The following CA10 variants were observed in gnomAD, a reference collection of about 807,000 sequenced individuals.
CA10 encodes carbonic anhydrase 10 (inactive), also known as carbonic anhydrase-related protein 10.
Under a neutral mutation model 44.2 loss-of-function variants are expected in CA10, and 14 were observed. That is an observed-to-expected ratio of 0.32 (90% CI 0.21 to 0.50). The LOEUF is 0.50. Ranked by LOEUF, CA10 falls within the 20% of genes least tolerant of loss-of-function variation. The pLI is 0.99. For missense variants in CA10, 350 were observed against 409.7 expected (o/e 0.85, Z 1.26); for synonymous variants, 159 against 141.6 (o/e 1.12, Z -0.87).
chr17:51,762,764 T>A (rs1413630671), intron 3 of CA10: 2 of 152,140 alleles, frequency 1.3e-5, no homozygotes, highest in Admixed American at 1.3e-4. Flanking sequence ...GGTCATACAC[T>A]AGCAAGAAAA....
intron 4 of CA10, among the ~76,000 whole-genome samples, chr17:51,667,183 G>A (rs574262839): frequency 1.3e-5 from 2 of 152,198 alleles, no homozygotes; most frequent in Non-Finnish European, 2.9e-5. Context: ...CCACAGGAAT[G>A]CACCACATTG....
At chr17:51,704,835 C>T (rs1915712578) in intron 4 of CA10, among the ~76,000 whole-genome samples, 1 of 152,030 alleles carries the variant, frequency 6.6e-6, no homozygotes, top group South Asian at 2.1e-4. Flanking sequence ...TGATGGCATG[C>T]ACCTGTAATC....
intron 3 of CA10, among the ~76,000 whole-genome samples, chr17:51,774,945 T>C (rs1905760145): frequency 6.6e-6 from 1 of 152,180 alleles, no homozygotes; most frequent in Non-Finnish European, 1.5e-5. Context: ...CCAATTCACC[T>C]GACCCTCCCA....
At chr17:52,035,965 C>T (rs1434161135) in intron 2 of CA10, among the ~76,000 whole-genome samples, 1 of 152,176 alleles carries the variant, frequency 6.6e-6, no homozygotes, top group Non-Finnish European at 1.5e-5. Flanking sequence ...TGGCCAACAC[C>T]TTGTCTAGGG....
chr17:51,632,930 A>T (rs1912648760), intron 8 of CA10, among the ~76,000 whole-genome samples: 1 of 152,168 alleles, frequency 6.6e-6, no homozygotes, highest in Non-Finnish European at 1.5e-5. Context: ...CTGGGCAAAG[A>T]TACACTCACA....
Position 52,103,266 on chromosome 17 carries a change from C to T in CA10, c.62-30873G>A, listed in dbSNP as rs148603124. Among the ~76,000 whole-genome samples the T allele has an allele frequency of 4.6e-3, 695 of 152,296 alleles. 4 individuals are homozygous for T. Among genetic ancestry groups the T allele is most frequent in the South Asian group, 0.029 (140 of 4,828 alleles). ...TATTGTTTTCTTTCTTTGGGAACCA[C>T]CTGTGGTTAGATAATTAAGGCTTTT... is the stretch of plus-strand genomic sequence containing the variant. On this transcript the variant is annotated intron_variant, in intron 1 of 8. Transcript: ENST00000451037.
At chr17:51,637,573 C>T (rs953689864) in intron 6 of CA10, among the ~76,000 whole-genome samples, 2 of 152,222 alleles carry the variant, frequency 1.3e-5, no homozygotes, top group Non-Finnish European at 2.9e-5. Flanking sequence ...TGGGAAAGTA[C>T]TCATTCTTCA....
chr17:52,087,744 G>T (rs1043286512), intron 1 of CA10, among the ~76,000 whole-genome samples: 3 of 152,038 alleles, frequency 2.0e-5, no homozygotes, highest in Non-Finnish European at 4.4e-5. Flanking sequence ...AGCATGTTCA[G>T]AAAAATGAAA....
rs546658768 is a variant in CA10, at chr17:52,055,160, A to G, written c.136+17159T>C. 6.6e-5 allele frequency among the ~76,000 whole-genome samples: 10 copies of G among 152,168 alleles called. 1 individual carries two copies. Among genetic ancestry groups the G allele is most frequent in the African/African-American group, 2.2e-4 (9 of 41,546 alleles). The stretch of plus-strand genomic sequence containing the variant: ...GAACATTTATCTACAAAAGCATTAG[A>G]CTTATCTGAGACTCTTTGCAAGCTG... On this transcript the variant is annotated intron_variant, in intron 2 of 8. Coordinates refer to ENST00000451037, the MANE Select transcript of CA10 (RefSeq NM_020178.5).
intron 2 of CA10, among the ~76,000 whole-genome samples, chr17:51,950,617 G>A (rs1983446354): frequency 6.6e-6 from 1 of 152,050 alleles, no homozygotes; most frequent in Non-Finnish European, 1.5e-5. Flanking sequence ...TCTTGCCCTG[G>A]AGGAGATAGT....
chr17:51,880,163 C>G (rs923730233), intron 3 of CA10, among the ~76,000 whole-genome samples: 5 of 152,164 alleles, frequency 3.3e-5, no homozygotes, highest in African/African-American at 9.7e-5. Flanking sequence ...CTTGCCTTAC[C>G]TCTTCCAGCA....
At chr17:51,966,754 A>C (rs1984094245) in intron 2 of CA10, among the ~76,000 whole-genome samples, 1 of 151,894 alleles carries the variant, frequency 6.6e-6, no homozygotes, top group South Asian at 2.1e-4. Context: ...TAAGAATCCC[A>C]GAAGGAAACC....
At chr17:51,762,392 G>C (rs568425920) in intron 3 of CA10, 1 of 152,364 alleles carries the variant, frequency 6.6e-6, no homozygotes, top group African/African-American at 2.4e-5. Context: ...TCCCAGAGGA[G>C]TGGGCATTTG....
At chr17:51,919,559 C>T (rs34595368) in intron 3 of CA10, among the ~76,000 whole-genome samples, 12,276 of 152,234 alleles carry the variant, frequency 0.081, 514 homozygotes, top group South Asian at 0.092. Context: ...GAGAGCTGAG[C>T]TGCAAGCAGT....
chr17:52,009,973 T>C (rs1985729368), intron 2 of CA10, among the ~76,000 whole-genome samples: 1 of 151,866 alleles, frequency 6.6e-6, no homozygotes, highest in East Asian at 1.9e-4. Flanking sequence ...ATCAGATATA[T>C]AAATGGCCAA....
intron 4 of CA10, among the ~76,000 whole-genome samples, chr17:51,704,246 G>C (rs1366455836): frequency 6.6e-6 from 1 of 151,954 alleles, no homozygotes; most frequent in East Asian, 1.9e-4. Context: ...CATATACTGA[G>C]TTGCTACTCC....
intron 2 of CA10, among the ~76,000 whole-genome samples, chr17:52,017,663 TA>T (rs1173491898): frequency 3.3e-5 from 5 of 152,104 alleles, no homozygotes; most frequent in African/African-American, 1.2e-4. Context: ...CTGCAGGGTG[TA>T]AAAATCTGGA....
chr17:51,983,086 A>G (rs1197088015), intron 2 of CA10, among the ~76,000 whole-genome samples: 2 of 149,312 alleles, frequency 1.3e-5, no homozygotes, highest in African/African-American at 2.4e-5. Flanking sequence ...AATTTTTTAT[A>G]GGAAATTTTT....
chr17:51,924,082 A>G (rs572062934), intron 3 of CA10, among the ~76,000 whole-genome samples: 99 of 152,320 alleles, frequency 6.5e-4, no homozygotes, highest in African/African-American at 2.2e-3. Context: ...TAAAATAAAT[A>G]TAAGTAAGGT....
Sources: allele counts gnomAD v4.1 joint callset (sites outside exome capture counted in the v4.1 genomes callset), GRCh38; gene constraint gnomAD v4.1.1; transcripts MANE v1.5; gene names NCBI Gene and HGNC (gene_info 2026-07-23, HGNC 2026-07-21).